CCDC192: variants seen among roughly 807,000 people sequenced by gnomAD.
The protein encoded by CCDC192 is coiled-coil domain containing 192.
intron 5 of CCDC192, among the ~76,000 whole-genome samples, chr5:127,865,226 A>G (rs1751559342): frequency 6.6e-6 from 1 of 152,212 alleles, no homozygotes; most frequent in Non-Finnish European, 1.5e-5. Flanking sequence ...GCTTCATAAC[A>G]TGAACAAAAA....
At chr5:127,709,624 G>C (rs962523615) in intron 2 of CCDC192, among the ~76,000 whole-genome samples, 2 of 152,194 alleles carry the variant, frequency 1.3e-5, no homozygotes, top group Non-Finnish European at 2.9e-5. Flanking sequence ...TTTTCAGAAA[G>C]AGTGTTTCTC....
intron 6 of CCDC192, among the ~76,000 whole-genome samples, chr5:127,889,394 CT>C (rs1447960241): frequency 2.9e-4 from 40 of 137,570 alleles, no homozygotes; most frequent in African/African-American, 1.1e-3. Flanking sequence ...CTTTTCTTTT[CT>C]TTTCTTTCTT....
rs1213748976 is a variant in CCDC192, at chr5:127,875,017, C to T, written c.412-521C>T. Among the ~76,000 whole-genome samples, 3 of 151,508 alleles carry T rather than the reference C, an allele frequency of 2.0e-5. No individual in the cohort carries two copies. The East Asian group carries it at 5.8e-4, about 29-fold the overall frequency. ...ATGCTTGACGCTTTCTTACCCTTGACACTTTCCCTGTATGGATCCCATACT... is the reference window on the plus strand; with the variant it reads ...ATGCTTGACGCTTTCTTACCCTTGATACTTTCCCTGTATGGATCCCATACT... On this transcript the variant is annotated intron_variant, in intron 5 of 6. Transcript: ENST00000514853.
intron 5 of CCDC192, among the ~76,000 whole-genome samples, chr5:127,801,081 G>A (rs1347061018): frequency 6.6e-6 from 1 of 152,104 alleles, no homozygotes; most frequent in Admixed American, 6.6e-5. Flanking sequence ...TGGAATGGGT[G>A]CAGAAAACCA....
intron 2 of CCDC192, 32 bp downstream of exon 2, chr5:127,707,792 T>C: frequency 5.0e-6 from 2 of 398,286 alleles, no homozygotes; most frequent in Non-Finnish European, 8.9e-6. Flanking sequence ...AATTCTTTAT[T>C]TAAAAAAATC....
chr5:127,749,700 C>T (rs1324087420), intron 2 of CCDC192, among the ~76,000 whole-genome samples: 1 of 152,192 alleles, frequency 6.6e-6, no homozygotes. Context: ...ACCAGTTCCT[C>T]CTTTTACCTA....
At chr5:127,931,983 C>G (rs544854024) in intron 6 of CCDC192, among the ~76,000 whole-genome samples, 2 of 151,564 alleles carry the variant, frequency 1.3e-5, no homozygotes, top group East Asian at 2.0e-4. Flanking sequence ...AACCCTGTTT[C>G]TACTAAAATA....
chr5:127,754,215 GCACT>G (rs1401017517), intron 2 of CCDC192, 49 bp from the exon 3 acceptor site: 1 of 396,684 alleles, frequency 2.5e-6, no homozygotes, highest in Non-Finnish European at 4.4e-6. Flanking sequence ...TGTTTGAGAT[GCACT>G]CAAACTATCC....
At chr5:127,759,646 CTG>C (rs1754801861) in intron 3 of CCDC192, among the ~76,000 whole-genome samples, 1 of 152,196 alleles carries the variant, frequency 6.6e-6, no homozygotes, top group Admixed American at 6.5e-5. Context: ...TCAAAAACAT[CTG>C]TTTATTTTCA....
At chr5:127,814,986 G>C (rs1748930617) in intron 5 of CCDC192, among the ~76,000 whole-genome samples, 1 of 152,042 alleles carries the variant, frequency 6.6e-6, no homozygotes, top group Admixed American at 6.6e-5. Flanking sequence ...TATGTGTTGG[G>C]AAAATTTCTG....
At position 127,752,749 on chromosome 5, in the gene CCDC192, G is replaced by A. The variant is rs1754284518; in HGVS notation, c.115-1519G>A. Among the ~76,000 whole-genome samples, 7 of 152,308 alleles carry A rather than the reference G, an allele frequency of 4.6e-5. No homozygotes were observed. In the South Asian group the frequency reaches 1.4e-3, roughly 32 times the overall value. On this transcript the variant is annotated intron_variant, in intron 2 of 6. Transcript: ENST00000514853. ...TTGCAGTTTGATCTCAGACTGCTGT[G>A]CTAGCAGTCAGCGAGACTCCGTGGG... is the stretch of plus-strand genomic sequence containing the variant.
chr5:127,707,914 T>G (rs987833533), intron 2 of CCDC192, among the ~76,000 whole-genome samples, 154 bp downstream of exon 2: 1 of 152,172 alleles, frequency 6.6e-6, no homozygotes, highest in African/African-American at 2.4e-5. Context: ...GAAAGTTGTT[T>G]TCCAAGTAGA....
At chr5:127,858,173 C>T (rs1034651055) in intron 5 of CCDC192, among the ~76,000 whole-genome samples, 2 of 152,074 alleles carry the variant, frequency 1.3e-5, no homozygotes, top group Admixed American at 6.6e-5. Flanking sequence ...ATTATAAATC[C>T]GATCCTATTG....
At chr5:127,764,621 C>G (rs761967793) in intron 3 of CCDC192, among the ~76,000 whole-genome samples, 1 of 152,086 alleles carries the variant, frequency 6.6e-6, no homozygotes, top group African/African-American at 2.4e-5. Context: ...GATATTATGT[C>G]AGATCCTTTA....
intron 5 of CCDC192, among the ~76,000 whole-genome samples, chr5:127,866,154 T>A (rs879892253): frequency 6.6e-6 from 1 of 152,084 alleles, no homozygotes; most frequent in African/African-American, 2.4e-5. Flanking sequence ...GCTACGTGGT[T>A]ATGAGTACCC....
intron 5 of CCDC192, among the ~76,000 whole-genome samples, chr5:127,823,513 G>T (rs1235516472): frequency 6.6e-6 from 1 of 152,154 alleles, no homozygotes; most frequent in African/African-American, 2.4e-5. Flanking sequence ...TTTTATTAAT[G>T]AACTACCCTT....
intron 6 of CCDC192, among the ~76,000 whole-genome samples, chr5:127,898,001 A>T (rs751045417): frequency 2.0e-5 from 3 of 152,234 alleles, no homozygotes; most frequent in African/African-American, 7.2e-5. Flanking sequence ...TATGATTAAC[A>T]TAGGAACTTA....
intron 2 of CCDC192, among the ~76,000 whole-genome samples, chr5:127,750,871 G>A (rs1189289215): frequency 6.6e-6 from 1 of 151,098 alleles, no homozygotes; most frequent in Non-Finnish European, 1.5e-5. Context: ...TTATGTAATG[G>A]CCTTCTTTGT....
intron 2 of CCDC192, among the ~76,000 whole-genome samples, chr5:127,727,885 T>G (rs1400705939): frequency 6.6e-6 from 1 of 152,050 alleles, no homozygotes; most frequent in African/African-American, 2.4e-5. Context: ...ACATGAGAAC[T>G]TCACAGTGCA....
Sources: allele counts gnomAD v4.1 joint callset (sites outside exome capture counted in the v4.1 genomes callset), GRCh38; gene constraint gnomAD v4.1.1; transcripts MANE v1.5; gene names NCBI Gene and HGNC (gene_info 2026-07-23, HGNC 2026-07-21).